PALS1: variants seen among roughly 807,000 people sequenced by gnomAD.
PALS1 encodes the protein protein PALS1.
In PALS1, 31 loss-of-function variants were observed where a neutral mutation model predicts 78.9. That is an observed-to-expected ratio of 0.39 (90% CI 0.30 to 0.53). PALS1 has a LOEUF of 0.53. Among genes scored for constraint, PALS1 ranks in the 20% least tolerant of loss-of-function variants. The pLI is 0.67. For synonymous variants in PALS1, 276 were observed against 270.9 expected, an observed-to-expected ratio of 1.02 and a Z score of -0.18; for missense variants, 704 against 826.5, an observed-to-expected ratio of 0.85 and a Z score of 1.82.
At chr14:67,246,649 G>GT (rs71129814) in intron 1 of PALS1, among the ~76,000 whole-genome samples, 69,447 of 112,212 alleles carry the variant, frequency 0.62, 23,068 homozygotes, top group East Asian at 0.8. Context: ...CCTACTATAG[G>GT]TTTTTTTTTT....
chr14:67,275,564 T>A (rs1351477613), intron 2 of PALS1, among the ~76,000 whole-genome samples: 1 of 152,198 alleles, frequency 6.6e-6, no homozygotes, highest in African/African-American at 2.4e-5. Flanking sequence ...TCATCAGGGC[T>A]TTTGGTCTAA....
chr14:67,313,594 A>G (rs1038262411), intron 9 of PALS1, among the ~76,000 whole-genome samples: 2 of 152,228 alleles, frequency 1.3e-5, no homozygotes, highest in Non-Finnish European at 2.9e-5. Flanking sequence ...AAGCTATCGG[A>G]GAAGGCAAAG....
chr14:67,322,652 A>G (rs1454588887), intron 13 of PALS1, among the ~76,000 whole-genome samples: 2 of 152,206 alleles, frequency 1.3e-5, no homozygotes, highest in Non-Finnish European at 2.9e-5. Context: ...TTGATTTAAG[A>G]GAAGTATACA....
At chr14:67,281,118 T>A (rs750634510) in intron 3 of PALS1, among the ~76,000 whole-genome samples, 1 of 151,860 alleles carries the variant, frequency 6.6e-6, no homozygotes, top group East Asian at 1.9e-4. Context: ...AGGCTGGTCT[T>A]CAACTCCTGA....
At chr14:67,315,963 A>G (rs919234718) in intron 9 of PALS1, among the ~76,000 whole-genome samples, 3 of 152,262 alleles carry the variant, frequency 2.0e-5, no homozygotes, top group Non-Finnish European at 4.4e-5. Flanking sequence ...TCTTATGTGT[A>G]TGGAAGTCAG....
chr14:67,304,022 C>G (rs1393388044), intron 8 of PALS1: 3 of 159,538 alleles, frequency 1.9e-5, no homozygotes, highest in African/African-American at 7.2e-5. Context: ...CCTGCCTCGG[C>G]CTCCCAAAGT....
At chr14:67,312,390 C>A in intron 8 of PALS1, 137 bp from the exon 9 acceptor site, 1 of 557,316 alleles carries the variant, frequency 1.8e-6, no homozygotes, top group Non-Finnish European at 2.8e-6. Context: ...TTATCCTGGA[C>A]AACATACTGA....
chr14:67,248,315 G>A (rs1473512305), intron 1 of PALS1, among the ~76,000 whole-genome samples: 1 of 151,872 alleles, frequency 6.6e-6, no homozygotes, highest in Non-Finnish European at 1.5e-5. Flanking sequence ...GAGCCCAGGA[G>A]TTTGAGTCCA....
intron 4 of PALS1, 27 bp downstream of exon 4, chr14:67,292,746 G>A (rs1288346986): frequency 1.3e-6 from 2 of 1,554,570 alleles, no homozygotes; most frequent in Middle Eastern, 1.7e-4. Flanking sequence ...TCTTGTTGAT[G>A]TCTACAAGGT....
In PALS1 at chr14:67,325,152, G is replaced by A. The variant is rs181218439; in HGVS notation, c.1851+1340G>A. On this transcript the variant is annotated intron_variant, in intron 14 of 14. Coordinates refer to ENST00000261681, the MANE Select transcript of PALS1 (RefSeq NM_022474.4). ...GATCTCCTGACCTTGTGATCCACCC[G>A]CCTTGGCCTCCCAAAGTGCTGGGAT... 5.9e-5 allele frequency among the ~76,000 whole-genome samples: 9 copies of A among 151,930 alleles called. No individual in the cohort carries two copies. In the East Asian group the frequency reaches 9.7e-4, roughly 16 times the overall value.
chr14:67,327,664 A>G lies in PALS1; in HGVS notation c.1851+3852A>G, dbSNP rs548972056. On this transcript the variant is annotated intron_variant, in intron 14 of 14. Coordinates refer to ENST00000261681, the MANE Select transcript of PALS1 (RefSeq NM_022474.4). The stretch of plus-strand genomic sequence containing the variant: ...CTCCCCCCACCCCACAACAGGCCCC[A>G]GTGTGTGATGTTCCCCACCCTGTGT... 7.5e-3 allele frequency among the ~76,000 whole-genome samples: 1,124 copies of G among 150,264 alleles called. 26 individuals are homozygous for G. Among genetic ancestry groups the G allele is most frequent in the African/African-American group, 0.025 (1,027 of 40,770 alleles).
chr14:67,324,314 T>A (rs970125277), intron 14 of PALS1, among the ~76,000 whole-genome samples: 3 of 152,228 alleles, frequency 2.0e-5, no homozygotes, highest in Non-Finnish European at 2.9e-5. Flanking sequence ...TAAACATTAA[T>A]AATTGACTGA....
chr14:67,304,598 A>C (rs1260525883), intron 8 of PALS1, among the ~76,000 whole-genome samples: 1 of 152,364 alleles, frequency 6.6e-6, no homozygotes, highest in East Asian at 1.9e-4. Flanking sequence ...AATCCATAGG[A>C]GAGAAAGCAG....
chr14:67,331,083 C>T lies in PALS1; in HGVS notation c.1852-1697C>T, dbSNP rs539551216. On this transcript the variant is annotated intron_variant, in intron 14 of 14. Coordinates refer to ENST00000261681, the MANE Select transcript of PALS1 (RefSeq NM_022474.4). ...TTTTTGAGACAGAGTCTCACTCTGTCGCCCAGGCTGGAGTGCAGTGGCACA... is the reference window on the plus strand; with the variant it reads ...TTTTTGAGACAGAGTCTCACTCTGTTGCCCAGGCTGGAGTGCAGTGGCACA... Among the ~76,000 whole-genome samples, 140 of 151,610 alleles carry T rather than the reference C, an allele frequency of 9.2e-4. 1 individual carries two copies. Among genetic ancestry groups the T allele is most frequent in the African/African-American group, 3.0e-3 (125 of 41,300 alleles).
intron 11 of PALS1, among the ~76,000 whole-genome samples, chr14:67,318,270 GATC>G (rs887547218): frequency 6.6e-6 from 1 of 152,092 alleles, no homozygotes; most frequent in African/African-American, 2.4e-5. Flanking sequence ...AAACATTATA[GATC>G]ATTATAATAT....
At chr14:67,253,956 TTGTTTTG>T (rs1258114400) in intron 1 of PALS1, among the ~76,000 whole-genome samples, 17 of 151,342 alleles carry the variant, frequency 1.1e-4, no homozygotes, top group African/African-American at 3.2e-4. Context: ...TGTTAATATT[TTGTTTTG>T]TTTTTTTTTT....
intron 3 of PALS1, among the ~76,000 whole-genome samples, chr14:67,289,057 C>A (rs1183700825): frequency 2.0e-5 from 3 of 150,918 alleles, no homozygotes; most frequent in Non-Finnish European, 2.9e-5. Flanking sequence ...ACCTCCGCCA[C>A]CCAGGTTCAA....
Position 67,335,820 on chromosome 14 carries a change from C to T in PALS1, c.*2864C>T, listed in dbSNP as rs914943476. 1 of 152,372 alleles carries T rather than the reference C, an allele frequency of 6.6e-6. No individual in the cohort carries two copies. Among genetic ancestry groups the T allele is most frequent in the Non-Finnish European group, 1.5e-5 (1 of 68,048 alleles). The allele number at this position is 152,372 out of a possible 1,614,324, so 9.4% of individuals were successfully genotyped here. On this transcript the variant is annotated 3_prime_UTR_variant, in exon 15 of 15. Coordinates refer to ENST00000261681, the MANE Select transcript of PALS1 (RefSeq NM_022474.4). Reference sequence around the variant, plus strand: ...ATTATATTTCAAATTTTAAAAGCCACTAAGCAATTTCTCTTGCTATTTGCT... The same window carrying T: ...ATTATATTTCAAATTTTAAAAGCCATTAAGCAATTTCTCTTGCTATTTGCT...
At chr14:67,325,269 A>G (rs927093219) in intron 14 of PALS1, among the ~76,000 whole-genome samples, 1 of 151,992 alleles carries the variant, frequency 6.6e-6, no homozygotes, top group African/African-American at 2.4e-5. Flanking sequence ...ACCCTCCAAA[A>G]TATCTTTTTT....
Sources: gnomAD v4.1 joint callset for allele counts (sites outside exome capture counted in the v4.1 genomes callset) on GRCh38, gnomAD v4.1.1 for gene constraint, MANE v1.5 for transcripts, NCBI Gene and HGNC (gene_info 2026-07-23, HGNC 2026-07-21) for gene names.